CREB5: variants seen among roughly 807,000 people sequenced by gnomAD.
The protein encoded by CREB5 is cAMP responsive element binding protein 5, also known as cyclic AMP-responsive element-binding protein 5.
CREB5 carries 19 observed loss-of-function variants against 57.1 expected under a neutral mutation model. The ratio of observed to expected loss-of-function variants is 0.33; its 90% CI spans 0.23 to 0.49. CREB5 has a LOEUF of 0.49. CREB5 is among the 20% of genes least tolerant of loss of function. CREB5 has a pLI of 0.99. For missense variants in CREB5, 579 were observed against 671.6 expected (o/e 0.86, Z 1.52); for synonymous variants, 238 against 238.3 (o/e 1.00, Z 0.01).
At chr7:28,594,022 G>A (rs1011572290) in intron 5 of CREB5, among the ~76,000 whole-genome samples, 69 of 152,182 alleles carry the variant, frequency 4.5e-4, no homozygotes, top group African/African-American at 1.2e-3. Context: ...GCGGGAAGCT[G>A]CCTTGTCAAT....
At chr7:28,811,369 A>G (rs1298306678) in intron 9 of CREB5, among the ~76,000 whole-genome samples, 2 of 151,992 alleles carry the variant, frequency 1.3e-5, no homozygotes, top group South Asian at 4.2e-4. Flanking sequence ...TATCTGAAAA[A>G]CTTTTAGGTA....
intron 5 of CREB5, among the ~76,000 whole-genome samples, chr7:28,582,691 T>C (rs1221015221): frequency 1.3e-5 from 2 of 152,148 alleles, no homozygotes; most frequent in Non-Finnish European, 2.9e-5. Context: ...AGTCAAGAAA[T>C]GAAAAGAACT....
chr7:28,395,686 A>C (rs1430138452), intron 1 of CREB5, among the ~76,000 whole-genome samples: 1 of 152,214 alleles, frequency 6.6e-6, no homozygotes, highest in Non-Finnish European at 1.5e-5. Context: ...GCTTTAATAA[A>C]GATATAAAAC....
Position 28,416,798 on chromosome 7 carries a change from T to C in CREB5, c.3+3881T>C, listed in dbSNP as rs73090545. On this transcript the variant is annotated intron_variant, in intron 1 of 10. Transcript: ENST00000357727. ...TCTATTCTCTGCATTTTCCTTCAGG[T>C]AGTGTTTCCCTAGATTCATTCTTTA... is the stretch of plus-strand genomic sequence containing the variant. Among the ~76,000 whole-genome samples the C allele has an allele frequency of 9.9e-3, 1,501 of 152,328 alleles. 15 individuals carry two copies. The highest frequency in any genetic ancestry group is 0.017 in the Non-Finnish European group (1,130 of 68,028).
chr7:28,573,927 C>A (rs1042606883), intron 5 of CREB5, among the ~76,000 whole-genome samples: 3 of 152,182 alleles, frequency 2.0e-5, no homozygotes, highest in Admixed American at 2.0e-4. Flanking sequence ...CCATACCATG[C>A]CCTGCGCTCA....
chr7:28,805,198 T>G (rs2282909), intron 8 of CREB5, among the ~76,000 whole-genome samples: 105,988 of 151,432 alleles, frequency 0.7, 37,368 homozygotes, highest in Non-Finnish European at 0.73. Flanking sequence ...TCCCAGTGGG[T>G]GAGAGTCACC....
At chr7:28,466,081 CATA>C (rs750495118) in intron 1 of CREB5, among the ~76,000 whole-genome samples, 21 of 152,070 alleles carry the variant, frequency 1.4e-4, no homozygotes, top group Non-Finnish European at 2.9e-4. Context: ...ACCTGAAGGG[CATA>C]ATAACACCTT....
intron 1 of CREB5, among the ~76,000 whole-genome samples, chr7:28,430,066 C>G (rs1471126774): frequency 2.6e-5 from 4 of 152,202 alleles, no homozygotes; most frequent in Admixed American, 2.6e-4. Context: ...AATTATATCT[C>G]TACTGTCTTT....
chr7:28,536,193 G>A (rs749707905), intron 4 of CREB5, among the ~76,000 whole-genome samples: 2 of 152,166 alleles, frequency 1.3e-5, no homozygotes, highest in South Asian at 2.1e-4. Flanking sequence ...GTACACGAAG[G>A]GGGATGCTGT....
At chr7:28,600,114 A>G (rs901826448) in intron 5 of CREB5, among the ~76,000 whole-genome samples, 7 of 151,426 alleles carry the variant, frequency 4.6e-5, no homozygotes, top group Admixed American at 4.0e-4. Context: ...TCAATTCAGT[A>G]CCCCCACCCT....
At chr7:28,585,214 A>C (rs1303893972) in intron 5 of CREB5, among the ~76,000 whole-genome samples, 1 of 152,234 alleles carries the variant, frequency 6.6e-6, no homozygotes, top group African/African-American at 2.4e-5. Flanking sequence ...ATGGAAGATC[A>C]GCATTGTAGA....
At chr7:28,394,049 G>C (rs556264147) in intron 1 of CREB5, among the ~76,000 whole-genome samples, 104 of 121,636 alleles carry the variant, frequency 8.6e-4, no homozygotes, top group Non-Finnish European at 1.4e-3. Context: ...CTAGCCTGGG[G>C]GATGGAGCAA....
chr7:28,661,778 G>A (rs58137288), intron 5 of CREB5, among the ~76,000 whole-genome samples: 2,033 of 152,264 alleles, frequency 0.013, 56 homozygotes, highest in African/African-American at 0.047. Flanking sequence ...TCCCTCTCTT[G>A]CGCTTACAGA....
intron 4 of CREB5, among the ~76,000 whole-genome samples, chr7:28,568,616 G>C (rs1795574016): frequency 6.6e-6 from 1 of 152,124 alleles, no homozygotes. Flanking sequence ...TCCCACATCA[G>C]AAAAATTTTC....
At chr7:28,313,597 A>T (rs1406221840) in intron 1 of CREB5, among the ~76,000 whole-genome samples, 1 of 152,158 alleles carries the variant, frequency 6.6e-6, no homozygotes, top group African/African-American at 2.4e-5. Flanking sequence ...TTGAGTGCCC[A>T]GTGTGTTTCG....
intron 7 of CREB5, among the ~76,000 whole-genome samples, chr7:28,743,838 CTTTTTTT>C (rs58302393): frequency 3.3e-4 from 25 of 76,016 alleles, no homozygotes; most frequent in Non-Finnish European, 4.1e-4. Flanking sequence ...ATCTCCTTTT[CTTTTTTT>C]TTTTTTTTTT....
At chr7:28,591,391 C>G (rs534356284) in intron 5 of CREB5, among the ~76,000 whole-genome samples, 1 of 152,316 alleles carries the variant, frequency 6.6e-6, no homozygotes, top group South Asian at 2.1e-4. Flanking sequence ...CCCCCTCTGT[C>G]CTTCCCAGGC....
intron 1 of CREB5, among the ~76,000 whole-genome samples, chr7:28,339,469 T>C (rs1459483267): frequency 6.6e-6 from 1 of 152,150 alleles, no homozygotes. Flanking sequence ...TCCCTTACTT[T>C]CTCCCAAGTA....
At chr7:28,694,574 G>A (rs1308006953) in intron 5 of CREB5, among the ~76,000 whole-genome samples, 1 of 152,076 alleles carries the variant, frequency 6.6e-6, no homozygotes, top group African/African-American at 2.4e-5. Context: ...TTTTTCTTTA[G>A]CGACAGGGTC....
Sources: allele counts gnomAD v4.1 joint callset (sites outside exome capture counted in the v4.1 genomes callset), GRCh38; gene constraint gnomAD v4.1.1; transcripts MANE v1.5; gene names NCBI Gene and HGNC (gene_info 2026-07-23, HGNC 2026-07-21).